The following TNIK variants were observed in gnomAD, a reference collection of about 807,000 sequenced individuals.
TNIK encodes the protein TRAF2 and NCK interacting kinase, also known as TRAF2 and NCK-interacting protein kinase.
TNIK carries 49 observed loss-of-function variants against 191.3 expected under a neutral mutation model. That is an observed-to-expected ratio of 0.26 (90% CI 0.20 to 0.32). The LOEUF (loss-of-function observed/expected upper bound fraction) is 0.32, where lower values mean the gene tolerates loss of function less well. Ranked by LOEUF, TNIK falls within the 10% of genes least tolerant of loss-of-function variation. The pLI, the probability that TNIK is intolerant of heterozygous loss-of-function variation, is 1.00. For synonymous variants in TNIK, 594 were observed against 600.9 expected (o/e 0.99, Z 0.17); for missense variants, 1,155 against 1,702.3 (o/e 0.68, Z 5.66).
chr3:171,343,274 T>C (rs888904089), intron 2 of TNIK, among the ~76,000 whole-genome samples: 1 of 152,218 alleles, frequency 6.6e-6, no homozygotes, highest in Admixed American at 6.5e-5. Flanking sequence ...TAACTCATTT[T>C]GATAGTATGT....
At chr3:171,241,369 TAG>T (rs1744965819) in intron 2 of TNIK, among the ~76,000 whole-genome samples, 1 of 152,202 alleles carries the variant, frequency 6.6e-6, no homozygotes, top group African/African-American at 2.4e-5. Flanking sequence ...ACAACTCTGA[TAG>T]AACAAGTACT....
chr3:171,112,346 T>C (rs1262431873), intron 18 of TNIK, among the ~76,000 whole-genome samples: 1 of 152,214 alleles, frequency 6.6e-6, no homozygotes, highest in African/African-American at 2.4e-5. Context: ...TGCCTTCCTC[T>C]GTAGAGTTCC....
chr3:171,448,257 G>A (rs921622440), intron 1 of TNIK, among the ~76,000 whole-genome samples: 5 of 152,074 alleles, frequency 3.3e-5, no homozygotes, highest in African/African-American at 1.2e-4. Flanking sequence ...ACAAACATCT[G>A]CACTATCTAA....
At chr3:171,215,408 G>C (rs1046280332) in intron 3 of TNIK, among the ~76,000 whole-genome samples, 2 of 152,046 alleles carry the variant, frequency 1.3e-5, no homozygotes, top group African/African-American at 4.8e-5. Flanking sequence ...CTATGAAGCT[G>C]GATCCTATTT....
chr3:171,330,268 GA>G (rs140529699), intron 2 of TNIK, among the ~76,000 whole-genome samples: 1 of 151,896 alleles, frequency 6.6e-6, no homozygotes, highest in African/African-American at 2.4e-5. Context: ...ATAGCTGAAA[GA>G]AAAAAAATAT....
At chr3:171,317,989 C>A (rs1272326394) in intron 2 of TNIK, among the ~76,000 whole-genome samples, 1 of 152,126 alleles carries the variant, frequency 6.6e-6, no homozygotes, top group African/African-American at 2.4e-5. Flanking sequence ...TACTATAGTG[C>A]TTGACATTTA....
chr3:171,082,114 C>G, intron 27 of TNIK, 137 bp downstream of exon 27: 1 of 1,195,868 alleles, frequency 8.4e-7, no homozygotes, highest in Non-Finnish European at 1.1e-6. Context: ...TGTGGGCAAT[C>G]TCACTCTGGC....
chr3:171,110,835 G>C lies in TNIK; in HGVS notation c.2163C>G (p.Pro721=). 1 of 1,605,410 alleles carries C rather than the reference G, an allele frequency of 6.2e-7. No homozygotes were observed. Among genetic ancestry groups the C allele is most frequent in the Non-Finnish European group, 8.5e-7 (1 of 1,176,566 alleles). Residue 721 remains proline (P), a synonymous_variant, in exon 19 of 33, where the codon CCC becomes CCG. Coordinates refer to ENST00000436636, the MANE Select transcript of TNIK (RefSeq NM_015028.4). ...LRRTEPILES[P]LQRTSSGSSS... is the part of the protein sequence containing the mutation. Reference sequence around the variant, plus strand: ...AACTGCCACTGCTGGTCCTCTGCAAGGGGCTCTCCAAGATGGGCTCAGTTC... The same window carrying C: ...AACTGCCACTGCTGGTCCTCTGCAACGGGCTCTCCAAGATGGGCTCAGTTC...
intron 2 of TNIK, among the ~76,000 whole-genome samples, chr3:171,234,441 C>T (rs971344375): frequency 1.3e-5 from 2 of 152,324 alleles, no homozygotes; most frequent in South Asian, 4.1e-4. Context: ...AAGGTACCGA[C>T]TCAGGATGGT....
chr3:171,288,923 T>G (rs1751365073), intron 2 of TNIK, among the ~76,000 whole-genome samples: 2 of 151,910 alleles, frequency 1.3e-5, no homozygotes, highest in Non-Finnish European at 1.5e-5. Context: ...GAAATCTTTT[T>G]GAAAAAAAAC....
intron 7 of TNIK, among the ~76,000 whole-genome samples, chr3:171,180,271 C>G (rs537340268): frequency 6.6e-6 from 1 of 152,296 alleles, no homozygotes; most frequent in African/African-American, 2.4e-5. Context: ...CCTCACCTCC[C>G]CAAAGCCTGC....
rs945306584 is a variant in TNIK at position 171,085,172 on chromosome 3, A to G, written c.2944T>C (p.Tyr982His). ...SFTPFVDPRV[Y>H]QTSPTDEDEE... is the part of the protein sequence containing the mutation. The stretch of plus-strand genomic sequence containing the variant: ...TCTTCATCAGTGGGAGACGTCTGGT[A>G]TACTCTGGGGTCCACAAAGGGGGTG... Residue 982 changes from tyrosine (Y) to histidine (H), a missense_variant, in exon 25 of 33, where the codon TAC becomes CAC. Tyr to His is a moderately conservative substitution (Grantham distance 83). This residue lies in a region of TNIK where 735 missense variants were observed against 848.0 expected (regional missense o/e 0.87). Coordinates refer to ENST00000436636, the MANE Select transcript of TNIK (RefSeq NM_015028.4). 2 of 1,612,164 alleles carry G rather than the reference A, an allele frequency of 1.2e-6. No individual in the cohort carries two copies. The highest frequency in any genetic ancestry group is 1.7e-6 in the Non-Finnish European group (2 of 1,179,214).
At chr3:171,320,487 G>A (rs1026403576) in intron 2 of TNIK, among the ~76,000 whole-genome samples, 13 of 152,236 alleles carry the variant, frequency 8.5e-5, no homozygotes, top group African/African-American at 2.9e-4. Context: ...TGTGTTTTAT[G>A]ACACTTAAAG....
At chr3:171,104,741 TTTAGGAACTC>T (rs1724429759) in intron 21 of TNIK, among the ~76,000 whole-genome samples, 1 of 152,182 alleles carries the variant, frequency 6.6e-6, no homozygotes, top group Non-Finnish European at 1.5e-5. Flanking sequence ...CTATTTTCTT[TTTAGGAACTC>T]TAAAGATATG....
chr3:171,132,510 T>C (rs1729449362), intron 15 of TNIK, among the ~76,000 whole-genome samples: 1 of 152,194 alleles, frequency 6.6e-6, no homozygotes, highest in Non-Finnish European at 1.5e-5. Flanking sequence ...ATAAAGGCTA[T>C]ACAAATATAG....
chr3:171,202,500 C>A (rs1456578836), intron 4 of TNIK, among the ~76,000 whole-genome samples: 7 of 151,880 alleles, frequency 4.6e-5, no homozygotes, highest in African/African-American at 1.5e-4. Context: ...CAAAAGTTAT[C>A]TAAAAAAAGG....
intron 3 of TNIK, among the ~76,000 whole-genome samples, chr3:171,220,571 C>T (rs539089878): frequency 4.5e-4 from 68 of 152,104 alleles, no homozygotes; most frequent in African/African-American, 1.4e-3. Context: ...AAGGAAAGGA[C>T]GGACCTGCAG....
At chr3:171,224,013 C>G (rs1742683229) in intron 3 of TNIK, among the ~76,000 whole-genome samples, 1 of 152,128 alleles carries the variant, frequency 6.6e-6, no homozygotes, top group Admixed American at 6.6e-5. Context: ...CAGGCGTGGA[C>G]TGGAGAGTAA....
At chr3:171,192,891 A>G (rs1560241418) in intron 5 of TNIK, among the ~76,000 whole-genome samples, 1 of 152,226 alleles carries the variant, frequency 6.6e-6, no homozygotes, top group Non-Finnish European at 1.5e-5. Context: ...AACACAAAAC[A>G]TATAATTTAT....
Sources: allele counts gnomAD v4.1 joint callset (sites outside exome capture counted in the v4.1 genomes callset), GRCh38; gene constraint gnomAD v4.1.1; regional missense constraint gnomAD v4.1.1; transcripts MANE v1.5; gene names NCBI Gene and HGNC (gene_info 2026-07-23, HGNC 2026-07-21).